Variants in HMGN5 observed in about 807,000 individuals in gnomAD.
HMGN5 encodes the protein high mobility group nucleosome-binding domain-containing protein 5.
HMGN5 carries 4 observed loss-of-function variants against 9.5 expected under a neutral mutation model. The ratio of observed to expected loss-of-function variants is 0.42; its 90% confidence interval spans 0.21 to 0.96. The LOEUF (loss-of-function observed/expected upper bound fraction) is 0.96. HMGN5 is among the 40% of genes least tolerant of loss of function. The probability of loss-of-function intolerance (pLI) is 0.30; values close to 1 mark genes in which losing one functional copy is unlikely to be tolerated. For synonymous variants in HMGN5, 55 were observed against 57.1 expected (o/e 0.96, Z 0.16); for missense variants, 192 against 187.5 (o/e 1.02, Z -0.14).
Position 81,115,017 on chromosome X carries a change from T to G in HMGN5, c.481A>C (p.Lys161Gln). ...TCTTCTCCTTTCTCATTTCCATTTT[T>G]ATCCTCTTTTCCATCTTCTTCCCCT... is the stretch of plus-strand genomic sequence containing the variant. ...EKGEEDGKED[K>Q]NGNEKGEDAK... Residue 161 changes from lysine (K) to glutamine (Q), a missense_variant, in exon 7 of 7, where the codon AAA (lysine) becomes CAA (glutamine). Lys to Gln is a moderately conservative substitution (Grantham distance 53). Coordinates refer to ENST00000358130, the MANE Select transcript of HMGN5 (RefSeq NM_030763.3). 1 of 1,153,956 alleles carries G rather than the reference T, an allele frequency of 8.7e-7. No individual in the cohort carries two copies. The highest frequency in any genetic ancestry group is 2.0e-5 in the South Asian group (1 of 49,287).
intron 1 of HMGN5, among the ~76,000 whole-genome samples, chrX:81,188,263 A>ATATTATTAT (rs558790724): frequency 0.043 from 3,729 of 86,922 alleles, 229 homozygotes; most frequent in East Asian, 0.34. Flanking sequence ...TGTGCACAGA[A>ATATTATTAT]TATTATTATT....
chrX:81,148,872 CA>C (rs764896920), intron 1 of HMGN5, among the ~76,000 whole-genome samples: 14 of 111,695 alleles, frequency 1.3e-4, no homozygotes, highest in Non-Finnish European at 2.5e-4. Context: ...AACAGACATG[CA>C]AAAATGCTTA....
chrX:81,200,646 G>T (rs1451107636), intron 1 of HMGN5, among the ~76,000 whole-genome samples: 1 of 111,437 alleles, frequency 9.0e-6, no homozygotes, highest in Non-Finnish European at 1.9e-5. Flanking sequence ...TCATATGTGG[G>T]AGTTGAACAA....
At chrX:81,183,610 T>G (rs2075469051) in intron 1 of HMGN5, among the ~76,000 whole-genome samples, 2 of 112,440 alleles carry the variant, frequency 1.8e-5, no homozygotes, top group African/African-American at 6.5e-5. Context: ...AGAAGATGTA[T>G]GGAAAAGCTT....
chrX:81,151,292 G>C (rs1405853929), intron 1 of HMGN5, among the ~76,000 whole-genome samples: 4 of 111,575 alleles, frequency 3.6e-5, no homozygotes, highest in Non-Finnish European at 5.6e-5. Context: ...GCTCTGTTCT[G>C]TTCCATTGAT....
chrX:81,189,089 G>T (rs2075486637), intron 1 of HMGN5, among the ~76,000 whole-genome samples: 1 of 111,541 alleles, frequency 9.0e-6, no homozygotes, highest in African/African-American at 3.3e-5. Flanking sequence ...TTGTTTGTCT[G>T]GGAAAGTCTT....
At chrX:81,175,488 C>A (rs2075439005) in intron 1 of HMGN5, among the ~76,000 whole-genome samples, 1 of 111,477 alleles carries the variant, frequency 9.0e-6, no homozygotes, top group Admixed American at 9.6e-5. Flanking sequence ...GGAAAATAAA[C>A]AATCATGTTT....
chrX:81,121,432 G>T, intron 2 of HMGN5, 103 bp downstream of exon 2: 2 of 848,978 alleles, frequency 2.4e-6, no homozygotes, highest in Non-Finnish European at 3.5e-6. Context: ...AATGGAAGAA[G>T]CCAAAAAGCT....
intron 1 of HMGN5, among the ~76,000 whole-genome samples, chrX:81,137,658 G>A (rs2075315108): frequency 9.0e-6 from 1 of 111,082 alleles, no homozygotes; most frequent in African/African-American, 3.3e-5. Context: ...AAAGAAAAAA[G>A]ACAAACACAA....
chrX:81,166,763 T>C (rs1239498948), intron 1 of HMGN5, among the ~76,000 whole-genome samples: 1 of 111,388 alleles, frequency 9.0e-6, no homozygotes, highest in Non-Finnish European at 1.9e-5. Context: ...AAAGCACTAG[T>C]TCCATGGTGA....
chrX:81,161,637 G>GA (rs1316380467), intron 1 of HMGN5, among the ~76,000 whole-genome samples: 2 of 110,608 alleles, frequency 1.8e-5, no homozygotes, highest in Non-Finnish European at 3.8e-5. Flanking sequence ...GAGAGTGATA[G>GA]AAAAAAGCCT....
At chrX:81,118,126 C>T (rs1447890296) in intron 5 of HMGN5, among the ~76,000 whole-genome samples, 6 of 110,163 alleles carry the variant, frequency 5.4e-5, no homozygotes, top group African/African-American at 1.6e-4. Flanking sequence ...ACTGTTTTCA[C>T]CTTTTGTTTT....
chrX:81,154,960 G>T (rs2075378600), intron 1 of HMGN5, among the ~76,000 whole-genome samples: 1 of 107,016 alleles, frequency 9.3e-6, no homozygotes, highest in Non-Finnish European at 1.9e-5. Flanking sequence ...GAAACAGTTT[G>T]GAAGTTCCTC....
chrX:81,141,109 G>A lies in HMGN5; in HGVS notation c.-123-19437C>T, dbSNP rs148050175. Among the ~76,000 whole-genome samples the A allele has an allele frequency of 1.6e-3, 184 of 111,756 alleles. 1 individual carries two copies. The highest frequency in any genetic ancestry group is 5.6e-3 in the African/African-American group (172 of 30,770). On this transcript the variant is annotated intron_variant, in intron 1 of 6. Coordinates refer to ENST00000358130, the MANE Select transcript of HMGN5 (RefSeq NM_030763.3). ...AGGAGAGGGAAGAGTGGGAAGGACT[G>A]CATCTTATGGTTTGAGTGCCAGTTC...
chrX:81,138,693 T>C (rs2075318734), intron 1 of HMGN5, among the ~76,000 whole-genome samples: 1 of 111,169 alleles, frequency 9.0e-6, no homozygotes, highest in African/African-American at 3.3e-5. Context: ...AGGAATAAAA[T>C]TGTCCCTATT....
In HMGN5 at chrX:81,165,850, G is replaced by A. The variant is rs144928305; in HGVS notation, c.-124+35887C>T. ...GTGTATTATGATAAATGATTATATC[G>A]TTAATGCTCTAAATGCTAATGTAAT... On this transcript the variant is annotated intron_variant, in intron 1 of 6. Transcript: ENST00000358130. 3.7e-3 allele frequency among the ~76,000 whole-genome samples: 416 copies of A among 111,552 alleles called. 3 individuals carry two copies. Among genetic ancestry groups the A allele is most frequent in the African/African-American group, 0.013 (402 of 30,686 alleles).
chrX:81,199,394 G>A (rs1454430426), intron 1 of HMGN5, among the ~76,000 whole-genome samples: 14 of 112,134 alleles, frequency 1.2e-4, no homozygotes, highest in Non-Finnish European at 2.3e-4. Flanking sequence ...AGTTCATATG[G>A]AACCAAAAAA....
At chrX:81,122,453 A>C (rs1445005138) in intron 1 of HMGN5, among the ~76,000 whole-genome samples, 1 of 111,948 alleles carries the variant, frequency 8.9e-6, no homozygotes, top group African/African-American at 3.2e-5. Flanking sequence ...TAGGACTCAG[A>C]ACCTAGACTA....
At chrX:81,143,973 C>G (rs1055775277) in intron 1 of HMGN5, among the ~76,000 whole-genome samples, 19 of 111,988 alleles carry the variant, frequency 1.7e-4, no homozygotes, top group African/African-American at 6.2e-4. Flanking sequence ...GGCAGGTCAT[C>G]TCTGAAAAAA....
Sources: gnomAD v4.1 joint callset for allele counts (sites outside exome capture counted in the v4.1 genomes callset) on GRCh38, gnomAD v4.1.1 for gene constraint, MANE v1.5 for transcripts, NCBI Gene and HGNC (gene_info 2026-07-23, HGNC 2026-07-21) for gene names.